The following UGT1A7 variants were observed in gnomAD, a reference collection of about 807,000 sequenced individuals.
The protein encoded by UGT1A7 is UDP-glucuronosyltransferase 1A7.
A neutral mutation model predicts 45.6 loss-of-function variants in UGT1A7; 33 were observed. The observed-to-expected ratio is 0.72, with a 90% CI of 0.55 to 0.97. The LOEUF (loss-of-function observed/expected upper bound fraction) is 0.97, where lower values mean the gene tolerates loss of function less well. UGT1A7 is among the 50% of genes least tolerant of loss of function. The probability of loss-of-function intolerance (pLI) is 0.00; values close to 1 mark genes in which losing one functional copy is unlikely to be tolerated. For missense variants in UGT1A7, 684 were observed against 666.2 expected (o/e 1.03, Z -0.29); for synonymous variants, 274 against 250.6 (o/e 1.09, Z -0.88).
At chr2:233,761,180 C>T (rs374898247) in intron 1 of UGT1A7, 24 of 1,614,008 alleles carry the variant, frequency 1.5e-5, no homozygotes, top group Non-Finnish European at 1.8e-5. Flanking sequence ...CTTTTACATG[C>T]GTATATTCTT....
chr2:233,710,974 T>C (rs898828388), intron 1 of UGT1A7, among the ~76,000 whole-genome samples: 1 of 152,234 alleles, frequency 6.6e-6, no homozygotes, highest in African/African-American at 2.4e-5. Flanking sequence ...GAGGGGAATA[T>C]ACAATCATTC....
intron 1 of UGT1A7, chr2:233,729,363 C>A (rs747061628): frequency 6.2e-7 from 1 of 1,614,038 alleles, no homozygotes; most frequent in Admixed American, 1.7e-5. Context: ...CCCTGACAAC[C>A]TATGCCATTT....
chr2:233,710,462 G>A (rs1359524823), intron 1 of UGT1A7, among the ~76,000 whole-genome samples: 1 of 152,186 alleles, frequency 6.6e-6, no homozygotes, highest in Non-Finnish European at 1.5e-5. Flanking sequence ...CCATCCTAAT[G>A]GGTGTGTAGT....
chr2:233,693,908 G>A (rs1417524727), intron 1 of UGT1A7: 7 of 1,612,836 alleles, frequency 4.3e-6, no homozygotes, highest in Middle Eastern at 1.7e-4. Flanking sequence ...TTTCTTCCAG[G>A]CTCTGTCCTC....
At chr2:233,749,562 T>C (rs541768746) in intron 1 of UGT1A7, among the ~76,000 whole-genome samples, 1 of 151,994 alleles carries the variant, frequency 6.6e-6, no homozygotes, top group Non-Finnish European at 1.5e-5. Context: ...ATGTATTCAA[T>C]AGTGAGGCCA....
chr2:233,754,390 C>G, intron 1 of UGT1A7: 1 of 303,204 alleles, frequency 3.3e-6, no homozygotes, highest in Admixed American at 4.5e-5. Flanking sequence ...AACAGAGGTC[C>G]TATCCGTGCA....
At chr2:233,710,596 A>G (rs1219828092) in intron 1 of UGT1A7, among the ~76,000 whole-genome samples, 2 of 152,016 alleles carry the variant, frequency 1.3e-5, no homozygotes, top group Non-Finnish European at 2.9e-5. Context: ...GCACACCTTT[A>G]TTGGTTTGTT....
chr2:233,762,966 C>T (rs947524337), intron 1 of UGT1A7, among the ~76,000 whole-genome samples: 7 of 152,068 alleles, frequency 4.6e-5, no homozygotes, highest in African/African-American at 1.2e-4. Context: ...GAAAGATGCC[C>T]GTCTTGCTGC....
At chr2:233,724,233 G>T (rs1323099966) in intron 1 of UGT1A7, among the ~76,000 whole-genome samples, 1 of 126,056 alleles carries the variant, frequency 7.9e-6, no homozygotes, top group Non-Finnish European at 1.7e-5. Flanking sequence ...CAGTAGGGGC[G>T]GCCGGGCAGA....
At chr2:233,709,119 A>T (rs1007025672) in intron 1 of UGT1A7, among the ~76,000 whole-genome samples, 3 of 152,074 alleles carry the variant, frequency 2.0e-5, no homozygotes, top group African/African-American at 7.2e-5. Flanking sequence ...TGAACTAATC[A>T]TGGTGGCCAA....
rs763404567 is a variant in UGT1A7 at position 233,682,378 on chromosome 2, C to T, written c.441C>T (p.Leu147=). ...LKESCFDAVF[L]DPFDACGLIV... is the part of the protein sequence containing the mutation. ...AGAGTTGTTTTGATGCAGTGTTTCTCGATCCTTTTGATGCCTGTGGCTTAA... is the reference window on the plus strand; with the variant it reads ...AGAGTTGTTTTGATGCAGTGTTTCTTGATCCTTTTGATGCCTGTGGCTTAA... The change falls in exon 1 of 5, where the codon CTC becomes CTT. Residue 147 remains leucine, a synonymous_variant. Coordinates refer to ENST00000373426, the MANE Select transcript of UGT1A7 (RefSeq NM_019077.3). 7.4e-6 allele frequency: 12 copies of T among 1,613,940 alleles called. No homozygotes were observed. The highest frequency in any genetic ancestry group is 1.1e-5 in the South Asian group (1 of 91,064).
chr2:233,730,749 A>G (rs1471085496), intron 1 of UGT1A7, among the ~76,000 whole-genome samples: 3 of 152,116 alleles, frequency 2.0e-5, no homozygotes, highest in Non-Finnish European at 2.9e-5. Context: ...TAGGGAGGAG[A>G]TAAGACTGTG....
intron 1 of UGT1A7, among the ~76,000 whole-genome samples, chr2:233,724,404 G>C (rs1202271642): frequency 1.4e-5 from 2 of 140,508 alleles, no homozygotes; most frequent in African/African-American, 2.7e-5. Flanking sequence ...CTTCCCAGAT[G>C]GGGTGGCTGC....
rs1700559887 is a variant in UGT1A7, at chr2:233,772,963, A to G, written c.*404A>G. On this transcript the variant is annotated 3_prime_UTR_variant, in exon 5 of 5. Coordinates refer to ENST00000373426, the MANE Select transcript of UGT1A7 (RefSeq NM_019077.3). ...TGGCTTCTGCAGATGGTTGCAATTG[A>G]TCCTTAACCAATAATGGTCAGTCCT... 3.2e-6 allele frequency: 1 copy of G among 310,458 alleles called. No homozygotes were observed. Among genetic ancestry groups the G allele is most frequent in the South Asian group, 3.3e-5 (1 of 30,404 alleles). 19.2% of individuals were successfully genotyped at this position (310,458 alleles called of 1,614,324 possible).
In UGT1A7 at chr2:233,694,973, C is replaced by T. The variant is rs45521138; in HGVS notation, c.855+12181C>T. Among the ~76,000 whole-genome samples, 1,213 of 152,278 alleles carry T rather than the reference C, an allele frequency of 8.0e-3. 9 individuals are homozygous for T. Among genetic ancestry groups the T allele is most frequent in the Non-Finnish European group, 0.011 (721 of 68,026 alleles). ...CCATCACCTTGAACATTTATTCCTT[C>T]CTTATGTTGGGAACATTCCCATTCT... On this transcript the variant is annotated intron_variant, in intron 1 of 4. Coordinates refer to ENST00000373426, the MANE Select transcript of UGT1A7 (RefSeq NM_019077.3).
In UGT1A7 at chr2:233,768,227, G is replaced by A. The variant is rs751408172; in HGVS notation, c.1083G>A (p.Pro361=). The part of the protein sequence containing the change: ...WLPQNDLLGH[P]MTRAFITHAG... The stretch of plus-strand genomic sequence containing the variant: ...CCCTATTTTGCATCTCAGGTCACCC[G>A]ATGACCCGTGCCTTTATCACCCATG... Residue 361 remains proline, a synonymous_variant, in exon 4 of 5, where the codon CCG becomes CCA. Transcript: ENST00000373426. 1.3e-5 allele frequency: 21 copies of A among 1,614,014 alleles called. No individual in the cohort carries two copies. The highest frequency in any genetic ancestry group is 8.3e-5 in the Admixed American group (5 of 59,996).
chr2:233,734,262 T>C (rs1260850291), intron 1 of UGT1A7, among the ~76,000 whole-genome samples: 1 of 152,214 alleles, frequency 6.6e-6, no homozygotes, highest in Non-Finnish European at 1.5e-5. Context: ...GGAGGGTGTA[T>C]GTGTCCAGGA....
intron 1 of UGT1A7, chr2:233,760,565 T>C (rs2125985983): frequency 6.2e-7 from 1 of 1,614,264 alleles, no homozygotes; most frequent in Non-Finnish European, 8.5e-7. Context: ...GAGTCTTTTG[T>C]TAGTCTCGGG....
At chr2:233,718,926 A>T in intron 1 of UGT1A7, 1 of 1,614,126 alleles carries the variant, frequency 6.2e-7, no homozygotes, top group Non-Finnish European at 8.5e-7. Context: ...GGTGGTGCCC[A>T]CTGATGGCAG....
Sources: allele counts gnomAD v4.1 joint callset (sites outside exome capture counted in the v4.1 genomes callset), GRCh38; gene constraint gnomAD v4.1.1; transcripts MANE v1.5; gene names NCBI Gene and HGNC (gene_info 2026-07-23, HGNC 2026-07-21).